Variants in ANO4 observed in about 807,000 individuals in gnomAD.
The protein encoded by ANO4 is anoctamin-4.
ANO4 carries 69 observed loss-of-function variants against 141.9 expected under a neutral mutation model. That is an observed-to-expected ratio of 0.49 (90% CI 0.40 to 0.59). ANO4 has a LOEUF of 0.59. Among genes scored for constraint, ANO4 ranks in the 20% least tolerant of loss-of-function variants. The probability of loss-of-function intolerance (pLI) is 0.00; values close to 1 mark genes in which losing one functional copy is unlikely to be tolerated. For synonymous variants in ANO4, 350 were observed against 394.3 expected, an observed-to-expected ratio of 0.89 and a Z score of 1.33; for missense variants, 894 against 1,162.2, an observed-to-expected ratio of 0.77 and a Z score of 3.36.
chr12:100,721,172 A>T (rs1004237362), intron 1 of ANO4, among the ~76,000 whole-genome samples: 18 of 151,120 alleles, frequency 1.2e-4, no homozygotes, highest in Non-Finnish European at 2.1e-4. Context: ...CAATGTGTCC[A>T]AAACAACCCC....
intron 5 of ANO4, among the ~76,000 whole-genome samples, chr12:100,965,333 T>C (rs1270700525): frequency 3.3e-5 from 5 of 152,250 alleles, no homozygotes; most frequent in African/African-American, 1.2e-4. Context: ...CAAGTCCGTC[T>C]ATTTCTCCTT....
At position 100,726,497 on chromosome 12, in the gene ANO4, G is replaced by A. The variant is rs532571968; in HGVS notation, c.23-7277G>A. Among the ~76,000 whole-genome samples, 12 of 152,330 alleles carry A rather than the reference G, an allele frequency of 7.9e-5. 1 individual carries two copies. In the South Asian group the frequency reaches 2.5e-3, roughly 32 times the overall value. On this transcript the variant is annotated intron_variant, in intron 1 of 29. Coordinates refer to the ANO4 transcript ENST00000644049. ...AAGGCCTTGAGAGTTTTGCTTATGG[G>A]CCTTAAAGTTAAGCTGTAGATCAGT...
chr12:101,122,297 T>C (rs1022165829), intron 26 of ANO4, among the ~76,000 whole-genome samples: 15 of 152,236 alleles, frequency 9.9e-5, no homozygotes, highest in African/African-American at 3.6e-4. Context: ...TAGACCTTTA[T>C]TGGGTGCATA....
At chr12:101,123,179 C>T (rs865845793) in intron 26 of ANO4, among the ~76,000 whole-genome samples, 77 of 152,104 alleles carry the variant, frequency 5.1e-4, no homozygotes, top group Non-Finnish European at 8.5e-4. Flanking sequence ...GTCCAGGGAA[C>T]CAAAAGAAGA....
intron 4 of ANO4, 99 bp downstream of exon 4, chr12:100,939,550 C>CTG: frequency 7.8e-7 from 1 of 1,287,992 alleles, no homozygotes; most frequent in Non-Finnish European, 1.0e-6. Flanking sequence ...TCTCATTGAA[C>CTG]TGTAGGCTCT....
intron 8 of ANO4, among the ~76,000 whole-genome samples, chr12:101,009,060 G>A (rs1359632430): frequency 6.6e-6 from 1 of 152,028 alleles, no homozygotes; most frequent in Admixed American, 6.5e-5. Flanking sequence ...ACTGTTATGG[G>A]TCAAATTGTG....
intron 18 of ANO4, 96 bp downstream of exon 18, chr12:101,094,388 C>A: frequency 1.0e-6 from 1 of 975,776 alleles, no homozygotes; most frequent in Non-Finnish European, 1.5e-6. Flanking sequence ...AAGAAATAGT[C>A]CCTTTATTTT....
chr12:101,020,018 T>A lies in ANO4; in HGVS notation c.735-16T>A. The A allele has an allele frequency of 6.3e-7, 1 of 1,587,044 alleles. No homozygotes were observed. The highest frequency in any genetic ancestry group is 1.7e-4 in the Middle Eastern group (1 of 6,004). On this transcript the variant is annotated splice_polypyrimidine_tract_variant and intron_variant, in intron 8 of 27. Transcript: ENST00000392977. The stretch of plus-strand genomic sequence containing the variant: ...CCGATTAATTCTCAACTTGTATTTT[T>A]AATATATGTATGCAGCTTCATCATA...
At chr12:101,103,205 A>G (rs1209297022) in intron 22 of ANO4, among the ~76,000 whole-genome samples, 1 of 82,930 alleles carries the variant, frequency 1.2e-5, no homozygotes, top group Non-Finnish European at 2.9e-5. Flanking sequence ...ATATATATAT[A>G]TATATATATA....
At chr12:100,884,684 G>A (rs542096343) in intron 1 of ANO4, among the ~76,000 whole-genome samples, 5 of 152,218 alleles carry the variant, frequency 3.3e-5, no homozygotes, top group South Asian at 2.1e-4. Flanking sequence ...GACTCTAGGG[G>A]AGAATCTGTT....
rs2043928729 is a variant in ANO4, at chr12:100,971,380, A to G, written c.531A>G (p.Glu177=). Residue 177 remains glutamate, a synonymous_variant, in exon 6 of 28, where the codon GAA becomes GAG. Transcript: ENST00000392977. ...APWEVLGRYA[E]QMNVRMPFRR... is the part of the protein sequence containing the mutation. ...GGGAAGTCCTTGGAAGATATGCAGA[A>G]CAAATGAATGTAAGAATGCCTTTCA... The G allele has an allele frequency of 2.5e-6, 4 of 1,608,346 alleles. No individual in the cohort carries two copies. The highest frequency in any genetic ancestry group is 3.4e-6 in the Non-Finnish European group (4 of 1,175,674).
upstream of ANO4, among the ~76,000 whole-genome samples, chr12:100,793,359 C>T (rs536420506): frequency 8.5e-5 from 13 of 152,176 alleles, no homozygotes; most frequent in Non-Finnish European, 1.9e-4. Context: ...TGATGTGGAA[C>T]ATTTTTTATG....
intron 8 of ANO4, among the ~76,000 whole-genome samples, chr12:101,009,741 A>T (rs1196092488): frequency 1.3e-5 from 2 of 152,126 alleles, no homozygotes; most frequent in Admixed American, 1.3e-4. Flanking sequence ...GAACCCTTTC[A>T]ACCTGTATAG....
intron 1 of ANO4, among the ~76,000 whole-genome samples, chr12:100,819,408 C>T (rs2035913435): frequency 6.6e-6 from 1 of 151,820 alleles, no homozygotes; most frequent in African/African-American, 2.4e-5. Flanking sequence ...TACTGTAATT[C>T]AGTTGAAAAC....
intron 5 of ANO4, 137 bp downstream of exon 5, chr12:100,942,672 G>A: frequency 1.1e-6 from 1 of 919,628 alleles, no homozygotes; most frequent in South Asian, 2.2e-5. Context: ...AGAGTTTGGG[G>A]AATGTTCCAA....
Position 100,891,809 on chromosome 12 carries a change from CATTATT to C in ANO4, c.-140-9832_-140-9827del, listed in dbSNP as rs202035103. Among the ~76,000 whole-genome samples the C allele has an allele frequency of 9.9e-5, 15 of 152,162 alleles. No individual in the cohort carries two copies. In the East Asian group the frequency reaches 2.3e-3, roughly 24 times the overall value. ...GTTAGTGATTTTTAAGAATACAATA[CATTATT>C]ATTAAGTATACCCACTATTTTGTAT... On this transcript the variant is annotated intron_variant, in intron 1 of 27. Coordinates refer to ENST00000392977, the MANE Select transcript of ANO4 (RefSeq NM_001286615.2).
intron 8 of ANO4, among the ~76,000 whole-genome samples, chr12:100,995,885 G>A (rs1034998239): frequency 1.2e-4 from 19 of 152,202 alleles, no homozygotes; most frequent in African/African-American, 4.3e-4. Flanking sequence ...AGGCAGAATT[G>A]GCATTGTTAC....
At chr12:100,918,570 G>A (rs1161784827) in intron 2 of ANO4, among the ~76,000 whole-genome samples, 1 of 152,126 alleles carries the variant, frequency 6.6e-6, no homozygotes, top group Non-Finnish European at 1.5e-5. Context: ...TTATAATGGA[G>A]CTGAAAAATT....
chr12:100,881,453 C>G (rs975899085), intron 1 of ANO4, among the ~76,000 whole-genome samples: 3 of 150,878 alleles, frequency 2.0e-5, no homozygotes, highest in African/African-American at 4.9e-5. Flanking sequence ...AGAATATGCT[C>G]CAAGCATTTG....
Sources: gnomAD v4.1 joint callset for allele counts (sites outside exome capture counted in the v4.1 genomes callset) on GRCh38, gnomAD v4.1.1 for gene constraint, MANE v1.5 for transcripts, NCBI Gene and HGNC (gene_info 2026-07-23, HGNC 2026-07-21) for gene names.